The following CPED1 variants were observed in gnomAD, a reference collection of about 807,000 sequenced individuals.
CPED1 encodes cadherin like and PC-esterase domain containing 1.
A neutral mutation model predicts 128.2 loss-of-function variants in CPED1; 114 were observed. The observed-to-expected ratio is 0.89, with a 90% CI of 0.76 to 1.04. CPED1 has a LOEUF of 1.04. CPED1 is among the 50% of genes least tolerant of loss of function. The pLI is 0.00. For missense variants in CPED1, 1,211 were observed against 1,207.1 expected (o/e 1.00, Z -0.05); for synonymous variants, 462 against 426.7 (o/e 1.08, Z -1.02).
chr7:121,096,247 A>G (rs1279330055), intron 5 of CPED1, among the ~76,000 whole-genome samples: 1 of 152,146 alleles, frequency 6.6e-6, no homozygotes, highest in Non-Finnish European at 1.5e-5. Context: ...ACTGTGCTAA[A>G]TAATGAGATA....
At chr7:121,062,157 A>G (rs762476024) in intron 4 of CPED1, among the ~76,000 whole-genome samples, 2 of 152,186 alleles carry the variant, frequency 1.3e-5, no homozygotes, top group Non-Finnish European at 2.9e-5. Flanking sequence ...AGAGAAGGTT[A>G]GCAATGGATC....
chr7:121,256,741 G>A (rs1165563967), intron 18 of CPED1, among the ~76,000 whole-genome samples: 1 of 151,870 alleles, frequency 6.6e-6, no homozygotes, highest in African/African-American at 2.4e-5. Context: ...GAAATAAATT[G>A]TTCTGCCAAA....
At chr7:121,114,005 A>AT (rs1011636971) in intron 7 of CPED1, among the ~76,000 whole-genome samples, 5 of 151,702 alleles carry the variant, frequency 3.3e-5, no homozygotes, top group African/African-American at 1.2e-4. Flanking sequence ...AGTTTTTTGT[A>AT]TTTTTTTGTA....
intron 21 of CPED1, 81 bp from the exon 22 acceptor site, chr7:121,271,203 T>C: frequency 8.8e-7 from 1 of 1,140,216 alleles, no homozygotes; most frequent in Middle Eastern, 2.0e-4. Flanking sequence ...AAAAGACATT[T>C]ACATAATTTC....
chr7:121,019,230 G>T (rs1316526095), intron 3 of CPED1, among the ~76,000 whole-genome samples: 1 of 151,960 alleles, frequency 6.6e-6, no homozygotes, highest in Non-Finnish European at 1.5e-5. Flanking sequence ...GTCTCTATTG[G>T]GAGAGATTTT....
At chr7:121,137,164 TTATTA>T (rs1186900064) in intron 14 of CPED1, among the ~76,000 whole-genome samples, 1 of 151,474 alleles carries the variant, frequency 6.6e-6, no homozygotes, top group African/African-American at 2.4e-5. Context: ...TAGATTTAAT[TTATTA>T]TATTATTTAT....
chr7:121,001,542 T>A (rs1791859279), intron 2 of CPED1, among the ~76,000 whole-genome samples: 1 of 152,106 alleles, frequency 6.6e-6, no homozygotes. Context: ...AAAAATAATA[T>A]TGCTCCGGGG....
At chr7:121,042,129 TAAAAA>T (rs10615785) in intron 3 of CPED1, among the ~76,000 whole-genome samples, 22 of 150,066 alleles carry the variant, frequency 1.5e-4, no homozygotes, top group African/African-American at 4.4e-4. Context: ...TTTTAATTGT[TAAAAA>T]AAAAAAAAAC....
intron 3 of CPED1, among the ~76,000 whole-genome samples, chr7:121,035,846 TAATA>T (rs1160459145): frequency 5.9e-5 from 3 of 50,582 alleles, no homozygotes; most frequent in Non-Finnish European, 1.3e-4. Context: ...AAAATAATAA[TAATA>T]AAAAAAAATA....
rs75855972 is a variant in CPED1, at chr7:121,071,128, G to T, written c.616+6815G>T. 8.7e-3 allele frequency among the ~76,000 whole-genome samples: 1,319 copies of T among 152,224 alleles called. 19 individuals are homozygous for T. Among genetic ancestry groups the T allele is most frequent in the African/African-American group, 0.03 (1,234 of 41,522 alleles). On this transcript the variant is annotated intron_variant, in intron 5 of 22. Transcript: ENST00000310396. ...GTAGAGACTTTAACAAAAGCCATTT[G>T]GTCTCCAAGAAGAGAAGAGTTGAAG...
chr7:121,236,857 C>A (rs1409626363), intron 17 of CPED1, 26 bp downstream of exon 17: 4 of 1,251,854 alleles, frequency 3.2e-6, no homozygotes. Flanking sequence ...GATATCACTT[C>A]TCTAAAAAAA....
At chr7:121,207,188 A>C (rs1345482825) in intron 16 of CPED1, among the ~76,000 whole-genome samples, 3 of 151,980 alleles carry the variant, frequency 2.0e-5, no homozygotes, top group African/African-American at 4.8e-5. Flanking sequence ...TGCTACCATA[A>C]ATATTCCTAC....
At chr7:121,147,971 C>T (rs936391710) in intron 16 of CPED1, among the ~76,000 whole-genome samples, 1 of 151,528 alleles carries the variant, frequency 6.6e-6, no homozygotes. Flanking sequence ...TTTTTTGTAC[C>T]CTTCCAACAC....
chr7:121,238,027 C>T (rs560444512), intron 17 of CPED1, among the ~76,000 whole-genome samples: 11 of 152,234 alleles, frequency 7.2e-5, no homozygotes, highest in African/African-American at 1.9e-4. Flanking sequence ...TGACAATTTA[C>T]GAGAAATCAT....
At chr7:121,144,023 G>T (rs190389475) in intron 16 of CPED1, among the ~76,000 whole-genome samples, 2 of 151,974 alleles carry the variant, frequency 1.3e-5, no homozygotes, top group East Asian at 3.9e-4. Flanking sequence ...ATAAAAACAA[G>T]CCAGACATCA....
chr7:121,127,618 C>A (rs1423523913), intron 10 of CPED1, among the ~76,000 whole-genome samples: 1 of 151,168 alleles, frequency 6.6e-6, no homozygotes, highest in Non-Finnish European at 1.5e-5. Context: ...TCACTGCAAC[C>A]TCCGCCTCCT....
intron 14 of CPED1, among the ~76,000 whole-genome samples, chr7:121,139,430 G>A (rs968153272): frequency 2.0e-5 from 3 of 151,248 alleles, no homozygotes; most frequent in African/African-American, 7.3e-5. Flanking sequence ...AGTCCATAAT[G>A]GGAGCTATAC....
At chr7:121,201,101 T>A (rs986221937) in intron 16 of CPED1, among the ~76,000 whole-genome samples, 4 of 152,030 alleles carry the variant, frequency 2.6e-5, no homozygotes, top group Non-Finnish European at 5.9e-5. Flanking sequence ...GGATCTGAGA[T>A]ACAAGGTAGG....
At chr7:121,079,277 C>T (rs1205817760) in intron 5 of CPED1, among the ~76,000 whole-genome samples, 1 of 151,918 alleles carries the variant, frequency 6.6e-6, no homozygotes, top group Non-Finnish European at 1.5e-5. Context: ...GAACAGATCC[C>T]CAAAGAAGAA....
Sources: gnomAD v4.1 joint callset for allele counts (sites outside exome capture counted in the v4.1 genomes callset) on GRCh38, gnomAD v4.1.1 for gene constraint, MANE v1.5 for transcripts, NCBI Gene and HGNC (gene_info 2026-07-23, HGNC 2026-07-21) for gene names.